The following CYP7B1 variants were observed in gnomAD, a reference collection of about 807,000 sequenced individuals.
The protein encoded by CYP7B1 is cytochrome P450 7B1.
Under a neutral mutation model 42.7 loss-of-function variants are expected in CYP7B1, and 29 were observed. The ratio of observed to expected loss-of-function variants is 0.68; its 90% CI spans 0.51 to 0.93. The LOEUF is 0.93. Among genes scored for constraint, CYP7B1 ranks in the 40% least tolerant of loss-of-function variants. CYP7B1 has a pLI of 0.00. For missense variants in CYP7B1, 655 were observed against 600.5 expected, an observed-to-expected ratio of 1.09 and a Z score of -0.95; for synonymous variants, 235 against 218.2, an observed-to-expected ratio of 1.08 and a Z score of -0.68.
chr8:64,653,395 C>T (rs973556387), intron 1 of CYP7B1, among the ~76,000 whole-genome samples: 9 of 151,934 alleles, frequency 5.9e-5, no homozygotes, highest in African/African-American at 2.2e-4. Flanking sequence ...AACTAGAAAA[C>T]CTAGATGAGA....
At chr8:64,794,232 A>T (rs950482628) in intron 1 of CYP7B1, among the ~76,000 whole-genome samples, 96 of 152,016 alleles carry the variant, frequency 6.3e-4, no homozygotes, top group Non-Finnish European at 5.9e-5. Context: ...CTATATATAC[A>T]CCCCTCAAAT....
At chr8:64,662,424 A>T (rs1045184817) in intron 1 of CYP7B1, among the ~76,000 whole-genome samples, 2 of 152,206 alleles carry the variant, frequency 1.3e-5, no homozygotes, top group African/African-American at 4.8e-5. Context: ...AATGCTTTCC[A>T]TGATCTAATT....
chr8:64,652,627 G>A (rs763737083), intron 1 of CYP7B1, among the ~76,000 whole-genome samples: 8 of 152,128 alleles, frequency 5.3e-5, no homozygotes, highest in Admixed American at 1.3e-4. Flanking sequence ...GGCGGATCAC[G>A]AGGTCAGGAG....
chr8:64,685,395 GC>G (rs1806610176), intron 1 of CYP7B1, among the ~76,000 whole-genome samples: 1 of 106,220 alleles, frequency 9.4e-6, no homozygotes, highest in Non-Finnish European at 2.0e-5. Flanking sequence ...TCTCCGCCCG[GC>G]CGCCATCCCA....
At position 64,596,585 on chromosome 8, in the gene CYP7B1, G is replaced by A. The variant is rs905995475; in HGVS notation, c.*57C>T. ...TTGCAGAAATTAAAAAGAAATAGAT[G>A]AGCTTAGGATGTTTAGGGTAATTTT... On this transcript the variant is annotated 3_prime_UTR_variant, in exon 6 of 6. Coordinates refer to ENST00000310193, the MANE Select transcript of CYP7B1 (RefSeq NM_004820.5). 5.4e-6 allele frequency: 8 copies of A among 1,471,512 alleles called. No homozygotes were observed. The African/African-American group carries it at 8.5e-5, about 16-fold the overall frequency. The allele number at this position is 1,471,512 out of a possible 1,614,324, so 91.2% of individuals were successfully genotyped here.
chr8:64,699,595 T>G (rs546452090), intron 1 of CYP7B1, among the ~76,000 whole-genome samples: 1 of 152,262 alleles, frequency 6.6e-6, no homozygotes, highest in South Asian at 2.1e-4. Context: ...TTTGCATATT[T>G]TTGAACACAT....
intron 1 of CYP7B1, among the ~76,000 whole-genome samples, chr8:64,774,578 C>A (rs917072650): frequency 6.7e-6 from 1 of 150,336 alleles, no homozygotes; most frequent in Non-Finnish European, 1.5e-5. Context: ...ATTTGTTAAG[C>A]AACCTTGAAT....
intron 1 of CYP7B1, among the ~76,000 whole-genome samples, chr8:64,644,215 T>C (rs922187579): frequency 6.7e-6 from 1 of 149,818 alleles, no homozygotes; most frequent in Non-Finnish European, 1.5e-5. Flanking sequence ...GAGGTTGAAG[T>C]GAGCTGAGAG....
At chr8:64,786,866 G>A (rs1423235043) in intron 1 of CYP7B1, among the ~76,000 whole-genome samples, 2 of 152,270 alleles carry the variant, frequency 1.3e-5, no homozygotes, top group East Asian at 3.8e-4. Flanking sequence ...AATCTAGGCA[G>A]AGATTCCCAA....
At chr8:64,708,053 G>A (rs146220103) in intron 1 of CYP7B1, among the ~76,000 whole-genome samples, 248 of 152,270 alleles carry the variant, frequency 1.6e-3, no homozygotes, top group Non-Finnish European at 2.9e-3. Flanking sequence ...ACTATCAGCA[G>A]AAAGAGGCAA....
intron 1 of CYP7B1, among the ~76,000 whole-genome samples, chr8:64,725,480 C>G (rs1807309956): frequency 6.6e-6 from 1 of 152,212 alleles, no homozygotes; most frequent in Admixed American, 6.5e-5. Context: ...GCAGGAATGA[C>G]TACTCTAAGC....
rs544155375 is a variant in CYP7B1, at chr8:64,726,061, G to A, written c.122+72405C>T. On this transcript the variant is annotated intron_variant, in intron 1 of 5. Transcript: ENST00000310193. The stretch of plus-strand genomic sequence containing the variant: ...TGACTGACATTTTTTAATTAAACTG[G>A]CCCACTGGAGTTTAATTAAGGTGTT... Among the ~76,000 whole-genome samples, 3 of 152,194 alleles carry A rather than the reference G, an allele frequency of 2.0e-5. No homozygotes were observed. In the East Asian group the frequency reaches 5.8e-4, roughly 29 times the overall value.
chr8:64,750,161 G>T (rs1417800772), intron 1 of CYP7B1, among the ~76,000 whole-genome samples: 1 of 152,150 alleles, frequency 6.6e-6, no homozygotes, highest in Non-Finnish European at 1.5e-5. Context: ...TTGCAGGTTA[G>T]GGGTGGGTAG....
chr8:64,628,847 G>A, intron 1 of CYP7B1, among the ~76,000 whole-genome samples: 1 of 152,114 alleles, frequency 6.6e-6, no homozygotes, highest in African/African-American at 2.4e-5. Context: ...AATATTTGAA[G>A]TTCATCTTCA....
intron 1 of CYP7B1, among the ~76,000 whole-genome samples, chr8:64,694,922 C>T (rs960420757): frequency 2.0e-5 from 3 of 152,110 alleles, no homozygotes; most frequent in East Asian, 1.9e-4. Flanking sequence ...TTTGATTGCC[C>T]GTTCTGTCCT....
At chr8:64,621,646 C>T (rs770943728) in intron 2 of CYP7B1, among the ~76,000 whole-genome samples, 1 of 151,970 alleles carries the variant, frequency 6.6e-6, no homozygotes. Context: ...TCTTGGGGAG[C>T]CTCATGAGGA....
chr8:64,626,656 T>C (rs888757273), intron 1 of CYP7B1, among the ~76,000 whole-genome samples: 4 of 152,240 alleles, frequency 2.6e-5, no homozygotes, highest in African/African-American at 7.2e-5. Context: ...AGCAAGATTA[T>C]ACTTCAAAAT....
At chr8:64,648,436 G>A (rs987464377) in intron 1 of CYP7B1, among the ~76,000 whole-genome samples, 2 of 152,072 alleles carry the variant, frequency 1.3e-5, no homozygotes, top group East Asian at 1.9e-4. Flanking sequence ...ATTTGTGCTC[G>A]GATCCCCACA....
chr8:64,722,044 T>C (rs1224962337), intron 1 of CYP7B1, among the ~76,000 whole-genome samples: 2 of 152,220 alleles, frequency 1.3e-5, no homozygotes, highest in African/African-American at 4.8e-5. Context: ...ACAATGCTTT[T>C]CTTGTTATCA....
Sources: allele counts gnomAD v4.1 joint callset (sites outside exome capture counted in the v4.1 genomes callset), GRCh38; gene constraint gnomAD v4.1.1; transcripts MANE v1.5; gene names NCBI Gene and HGNC (gene_info 2026-07-23, HGNC 2026-07-21).